ITGB2: variants seen among roughly 807,000 people sequenced by gnomAD.
ITGB2 encodes the protein integrin beta-2.
Under a neutral mutation model 86.8 loss-of-function variants are expected in ITGB2, and 56 were observed. That is an observed-to-expected ratio of 0.65 (90% CI 0.52 to 0.81). The LOEUF (loss-of-function observed/expected upper bound fraction) is 0.81, where lower values mean the gene tolerates loss of function less well. Ranked by LOEUF, ITGB2 falls within the 30% of genes least tolerant of loss-of-function variation. ITGB2 has a pLI of 0.00. For missense variants in ITGB2, 948 were observed against 1,061.2 expected, an observed-to-expected ratio of 0.89 and a Z score of 1.48; for synonymous variants, 457 against 450.4, an observed-to-expected ratio of 1.01 and a Z score of -0.19.
At chr21:44,910,806 G>T (rs1487103662) in intron 1 of ITGB2, 21 bp from the exon 2 acceptor site, 2 of 1,610,456 alleles carry the variant, frequency 1.2e-6, no homozygotes, top group South Asian at 2.2e-5. Context: ...AAGGGGTCTT[G>T]GTGACGGTCT....
At chr21:44,915,980 T>C (rs1016619687) in intron 1 of ITGB2, among the ~76,000 whole-genome samples, 5 of 152,188 alleles carry the variant, frequency 3.3e-5, no homozygotes, top group African/African-American at 1.2e-4. Context: ...TGGAGTGCAA[T>C]GGCTAGATCT....
rs772666841 is a variant in ITGB2, at chr21:44,901,493, G to A, written c.740C>T (p.Pro247Leu). The change falls in exon 6 of 16, where the codon CCG becomes CTG. Residue 247 changes from proline (P) to leucine (L), a missense_variant and splice_region_variant. Transcript: ENST00000652462. ...LDAMMQVAAC[P>L]EEIGWRNVTR... ...CCCAAGCAGGGGCAGCGGCCTCACC[G>A]GGCAGGCGGCGACCTGCATCATGGC... The A allele has an allele frequency of 7.1e-5, 115 of 1,613,850 alleles. No homozygotes were observed. The highest frequency in any genetic ancestry group is 3.3e-4 in the Middle Eastern group (2 of 6,084).
chr21:44,900,315 C>T lies in ITGB2; in HGVS notation c.897+5G>A, dbSNP rs1291662980. ...GGTGCCTGGGTGCCTGGGGTGGGGA[C>T]TTACGAATTCGTTGCTCCTCTTGTA... On this transcript the variant is annotated splice_donor_5th_base_variant and intron_variant, in intron 7 of 15. Coordinates refer to ENST00000652462, the MANE Select transcript of ITGB2 (RefSeq NM_000211.5). The T allele has an allele frequency of 1.9e-6, 3 of 1,614,196 alleles. No homozygotes were observed. The highest frequency in any genetic ancestry group is 1.3e-5 in the African/African-American group (1 of 75,060).
At chr21:44,893,367 A>G in intron 10 of ITGB2, 37 bp downstream of exon 10, 1 of 1,610,958 alleles carries the variant, frequency 6.2e-7, no homozygotes, top group Non-Finnish European at 8.5e-7. Flanking sequence ...AGAGCCCCTC[A>G]GCAAGCTGGG....
chr21:44,890,268 G>T (rs976180566), intron 11 of ITGB2, 46 bp from the exon 12 acceptor site: 5 of 1,610,058 alleles, frequency 3.1e-6, no homozygotes, highest in Non-Finnish European at 4.2e-6. Context: ...CCAGTGATGT[G>T]GGACAAGGGA....
Position 44,889,331 on chromosome 21 carries a change from G to A in ITGB2, c.1822C>T (p.Gln608Ter). 1 of 1,612,876 alleles carries A rather than the reference G, an allele frequency of 6.2e-7. No individual in the cohort carries two copies. The highest frequency in any genetic ancestry group is 8.5e-7 in the Non-Finnish European group (1 of 1,179,860). Residue 608 changes from glutamine (Q) to a stop codon, truncating the protein, a stop_gained, in exon 13 of 16, where the codon CAG (glutamine) becomes TAG (stop). Coordinates refer to ENST00000652462, the MANE Select transcript of ITGB2 (RefSeq NM_000211.5). LOFTEE classifies it high-confidence loss of function. ...CNVCECHSGY[Q>*]LPLCQECPGC... The stretch of plus-strand genomic sequence containing the variant: ...GGGCACTCCTGGCACAGAGGCAGCT[G>A]GTAGCCTGAATGGCACTCGCATACG...
intron 10 of ITGB2, 94 bp from the exon 11 acceptor site, chr21:44,892,090 T>C: frequency 7.8e-7 from 1 of 1,290,282 alleles, no homozygotes; most frequent in Non-Finnish European, 1.1e-6. Context: ...GCAGGGGTCC[T>C]GGGGGGTTCA....
upstream of ITGB2, among the ~76,000 whole-genome samples, chr21:44,923,232 A>C (rs376565103): frequency 6.6e-5 from 10 of 152,230 alleles, no homozygotes; most frequent in African/African-American, 2.4e-4. Context: ...GGCAAACAGC[A>C]CAGTACAAGA....
chr21:44,907,805 CG>C (rs1413313274), intron 3 of ITGB2, among the ~76,000 whole-genome samples: 1 of 152,070 alleles, frequency 6.6e-6, no homozygotes, highest in Admixed American at 6.5e-5. Context: ...TGGTGAGTCC[CG>C]CAGGCAGGGG....
At chr21:44,889,115 AG>A (rs910657999) in intron 13 of ITGB2, 160 bp downstream of exon 13, 10 of 430,412 alleles carry the variant, frequency 2.3e-5, no homozygotes, top group Non-Finnish European at 3.6e-5. Context: ...GGAGGGACAC[AG>A]GGGCACGGCG....
At position 44,902,907 on chromosome 21, in the gene ITGB2, G is replaced by A. The variant is rs371896156; in HGVS notation, c.499+458C>T. ...GCCACGGCCGGCGGGGAAGACATGC[G>A]CTGTGACTGACACACACGTGTGCTG... On this transcript the variant is annotated intron_variant, in intron 5 of 15. Transcript: ENST00000652462. Among the ~76,000 whole-genome samples, 11 of 152,318 alleles carry A rather than the reference G, an allele frequency of 7.2e-5. No homozygotes were observed. In the East Asian group the frequency reaches 9.6e-4, roughly 13 times the overall value.
In ITGB2 at chr21:44,926,392, C is replaced by T. The variant is rs1269562451; in HGVS notation, c.-4+2262G>A. On this transcript the variant is annotated intron_variant, in intron 1 of 15. Coordinates refer to the ITGB2 transcript ENST00000355153. Reference sequence around the variant, plus strand: ...TGTAAAAATATCAGGTGTGGCTGCACGGAGTGAAAAATCACAGGCTCCACG... The same window carrying T: ...TGTAAAAATATCAGGTGTGGCTGCATGGAGTGAAAAATCACAGGCTCCACG... 2.0e-5 allele frequency among the ~76,000 whole-genome samples: 3 copies of T among 152,214 alleles called. No homozygotes were observed. The East Asian group carries it at 5.8e-4, about 29-fold the overall frequency.
chr21:44,913,551 G>A (rs562935447), intron 1 of ITGB2, among the ~76,000 whole-genome samples: 1 of 152,298 alleles, frequency 6.6e-6, no homozygotes, highest in South Asian at 2.1e-4. Flanking sequence ...CAGCCCTGGG[G>A]GGCTTGGAGC....
At chr21:44,902,631 G>A (rs906924669) in intron 5 of ITGB2, among the ~76,000 whole-genome samples, 2 of 152,148 alleles carry the variant, frequency 1.3e-5, no homozygotes, top group Admixed American at 1.3e-4. Context: ...GTGCATGTGA[G>A]GATACATTCA....
At position 44,893,433 on chromosome 21, in the gene ITGB2, C is replaced by G. The variant is rs1381775363; in HGVS notation, c.1195G>C (p.Asp399His). The stretch of plus-strand genomic sequence containing the variant: ...ACATTGATCTGCACGCCATCACAGT[C>G]ACCTCTGGGCTGGTTCCTGTGCGTC... ...GVTHRNQPRG[D>H]CDGVQINVPI... The change falls in exon 10 of 16, where the codon GAC (aspartate) becomes CAC (histidine). Residue 399 changes from aspartate to histidine, a missense_variant. Asp to His is a moderately conservative substitution (Grantham distance 81, BLOSUM62 -1). Coordinates refer to ENST00000652462, the MANE Select transcript of ITGB2 (RefSeq NM_000211.5). 6.2e-7 allele frequency: 1 copy of G among 1,614,014 alleles called. No individual in the cohort carries two copies. Among genetic ancestry groups the G allele is most frequent in the Non-Finnish European group, 8.5e-7 (1 of 1,180,018 alleles).
chr21:44,898,876 G>A lies in ITGB2; in HGVS notation c.993+191C>T, dbSNP rs549700601. On this transcript the variant is annotated intron_variant, in intron 8 of 15. Coordinates refer to ENST00000652462, the MANE Select transcript of ITGB2 (RefSeq NM_000211.5). ...ACGGGGAGGAATTCCTCCTCCTATC[G>A]ACACGCAGGCGTCCTGTCCCCGACG... 2.4e-4 allele frequency among the ~76,000 whole-genome samples: 36 copies of A among 152,288 alleles called. No homozygotes were observed. The South Asian group carries it at 6.8e-3, about 29-fold the overall frequency.
chr21:44,923,110 G>A (rs1337259566), upstream of ITGB2: 2 of 152,132 alleles, frequency 1.3e-5, no homozygotes, highest in Admixed American at 1.3e-4. Context: ...TGTTACTATT[G>A]AGCCTGAATC....
chr21:44,909,369 G>A, intron 3 of ITGB2: 1 of 152,332 alleles, frequency 6.6e-6, no homozygotes, highest in Non-Finnish European at 1.5e-5. Flanking sequence ...GACCCCCGAG[G>A]GTCATGCTAC....
At chr21:44,910,934 C>A in intron 1 of ITGB2, 149 bp from the exon 2 acceptor site, 1 of 731,618 alleles carries the variant, frequency 1.4e-6, no homozygotes, top group Non-Finnish European at 2.3e-6. Flanking sequence ...AGCACAGCTG[C>A]ACTGGGCCCA....
Sources: gnomAD v4.1 joint callset for allele counts (sites outside exome capture counted in the v4.1 genomes callset) on GRCh38, gnomAD v4.1.1 for gene constraint, MANE v1.5 for transcripts, NCBI Gene and HGNC (gene_info 2026-07-23, HGNC 2026-07-21) for gene names.